XRCC4: variants seen among roughly 807,000 people sequenced by gnomAD.
XRCC4 encodes the protein X-ray repair cross complementing 4, also known as DNA repair protein XRCC4.
A neutral mutation model predicts 39.1 loss-of-function variants in XRCC4; 28 were observed. The ratio of observed to expected loss-of-function variants is 0.72; its 90% CI spans 0.53 to 0.98. XRCC4 has a LOEUF of 0.98. XRCC4 is among the 50% of genes least tolerant of loss of function. XRCC4 has a pLI of 0.00. For missense variants in XRCC4, 350 were observed against 376.4 expected (o/e 0.93, Z 0.58); for synonymous variants, 123 against 126.4 (o/e 0.97, Z 0.18).
chr5:83,251,018 T>C (rs1372286491), intron 6 of XRCC4, among the ~76,000 whole-genome samples: 2 of 152,310 alleles, frequency 1.3e-5, no homozygotes, highest in East Asian at 3.9e-4. Context: ...TACTTAATTA[T>C]AAACTTTTTG....
intron 1 of XRCC4, among the ~76,000 whole-genome samples, chr5:83,102,718 A>G (rs1440744244): frequency 6.6e-6 from 1 of 152,042 alleles, no homozygotes; most frequent in Non-Finnish European, 1.5e-5. Flanking sequence ...CTTATCTGGC[A>G]ATGCTGTCAC....
intron 7 of XRCC4, among the ~76,000 whole-genome samples, chr5:83,295,617 T>TAAGAAAGAAGAAC (rs1755066172): frequency 6.6e-6 from 1 of 151,934 alleles, no homozygotes; most frequent in Non-Finnish European, 1.5e-5. Context: ...AGGGGTGAGG[T>TAAGAAAGAAGAAC]ATTCCATGAA....
At chr5:83,094,649 A>T (rs1200978014) in intron 1 of XRCC4, among the ~76,000 whole-genome samples, 2 of 149,212 alleles carry the variant, frequency 1.3e-5, no homozygotes, top group Non-Finnish European at 1.5e-5. Context: ...TCAAAATTTA[A>T]TTTTCTATTT....
At chr5:83,183,412 TTGTGTGTGTGTGTG>T (rs369446374) in intron 3 of XRCC4, among the ~76,000 whole-genome samples, 55 of 139,432 alleles carry the variant, frequency 3.9e-4, no homozygotes, top group Middle Eastern at 3.6e-3. Context: ...TTTCATTTAT[TTGTGTGTGTGTGTG>T]TGTGTGTGTG....
intron 1 of XRCC4, among the ~76,000 whole-genome samples, chr5:83,088,818 T>C (rs552158420): frequency 6.6e-6 from 1 of 152,342 alleles, no homozygotes; most frequent in African/African-American, 2.4e-5. Context: ...TGTTCTGAAG[T>C]TTAAAGATTA....
intron 1 of XRCC4, among the ~76,000 whole-genome samples, chr5:83,086,897 G>C (rs901312823): frequency 6.6e-6 from 1 of 151,960 alleles, no homozygotes; most frequent in Non-Finnish European, 1.5e-5. Flanking sequence ...CTGAATGTTC[G>C]TACCTAAATG....
chr5:83,323,048 G>A (rs1423485684), intron 7 of XRCC4, among the ~76,000 whole-genome samples: 1 of 152,132 alleles, frequency 6.6e-6, no homozygotes, highest in Non-Finnish European at 1.5e-5. Context: ...TGTGGGAGCG[G>A]ATGGGGAGCA....
chr5:83,090,827 C>T (rs1371061519), intron 1 of XRCC4, among the ~76,000 whole-genome samples: 3 of 152,140 alleles, frequency 2.0e-5, no homozygotes, highest in Non-Finnish European at 4.4e-5. Context: ...GGACAAAGTT[C>T]AAACATATTT....
chr5:83,169,734 T>G (rs1180089441), intron 3 of XRCC4, among the ~76,000 whole-genome samples: 1 of 152,182 alleles, frequency 6.6e-6, no homozygotes, highest in Non-Finnish European at 1.5e-5. Flanking sequence ...TTGAGATCCT[T>G]GTTAGTGTGC....
chr5:83,250,899 G>A (rs994326505), intron 6 of XRCC4, among the ~76,000 whole-genome samples: 1 of 152,186 alleles, frequency 6.6e-6, no homozygotes, highest in Non-Finnish European at 1.5e-5. Flanking sequence ...TTTGGGAAAT[G>A]TAGTAAACAG....
chr5:83,154,347 A>G (rs1241093966), intron 3 of XRCC4, among the ~76,000 whole-genome samples: 14 of 152,184 alleles, frequency 9.2e-5, no homozygotes, highest in Admixed American at 9.2e-4. Flanking sequence ...AATGCTTTAA[A>G]ATCTTACATT....
intron 6 of XRCC4, among the ~76,000 whole-genome samples, chr5:83,257,076 T>C (rs1753570166): frequency 6.6e-6 from 1 of 152,036 alleles, no homozygotes; most frequent in Non-Finnish European, 1.5e-5. Context: ...AGTGTCCAAG[T>C]TGTCTCGTAG....
At chr5:83,336,916 A>G (rs1448931770) in intron 7 of XRCC4, among the ~76,000 whole-genome samples, 1 of 152,194 alleles carries the variant, frequency 6.6e-6, no homozygotes, top group East Asian at 1.9e-4. Flanking sequence ...AAAATAAACA[A>G]TTGAAGTTAC....
intron 3 of XRCC4, among the ~76,000 whole-genome samples, chr5:83,194,381 A>T (rs1411723585): frequency 3.3e-5 from 5 of 152,182 alleles, no homozygotes; most frequent in Non-Finnish European, 7.3e-5. Flanking sequence ...TATGCCTGTT[A>T]AGTGGACTCA....
At chr5:83,291,281 A>G (rs1754912605) in intron 7 of XRCC4, among the ~76,000 whole-genome samples, 1 of 151,854 alleles carries the variant, frequency 6.6e-6, no homozygotes, top group African/African-American at 2.4e-5. Context: ...CTTTTAAAGT[A>G]TCAACCATAA....
At chr5:83,336,792 A>G (rs1442059265) in intron 7 of XRCC4, among the ~76,000 whole-genome samples, 1 of 152,172 alleles carries the variant, frequency 6.6e-6, no homozygotes, top group African/African-American at 2.4e-5. Flanking sequence ...AACGCCATTC[A>G]TTTAACCACA....
At chr5:83,219,936 A>C (rs1263821573) in intron 6 of XRCC4, among the ~76,000 whole-genome samples, 4 of 152,096 alleles carry the variant, frequency 2.6e-5, no homozygotes, top group African/African-American at 7.2e-5. Flanking sequence ...TGAGGTTCTC[A>C]AGTTTTATCT....
chr5:83,347,018 A>T (rs926710707), intron 7 of XRCC4, among the ~76,000 whole-genome samples: 1 of 152,186 alleles, frequency 6.6e-6, no homozygotes, highest in Non-Finnish European at 1.5e-5. Flanking sequence ...TAAATATGCT[A>T]AGATATATGT....
At chr5:83,157,497 TA>T (rs763758146) in intron 3 of XRCC4, among the ~76,000 whole-genome samples, 6 of 151,418 alleles carry the variant, frequency 4.0e-5, no homozygotes, top group South Asian at 2.1e-4. Flanking sequence ...TCAAATAAAA[TA>T]AAAAAAACAT....
Sources: allele counts gnomAD v4.1 joint callset (sites outside exome capture counted in the v4.1 genomes callset), GRCh38; gene constraint gnomAD v4.1.1; transcripts MANE v1.5; gene names NCBI Gene and HGNC (gene_info 2026-07-23, HGNC 2026-07-21).